CEP290: variants seen among roughly 807,000 people sequenced by gnomAD.
CEP290 encodes centrosomal protein of 290 kDa.
Under a neutral mutation model 344.9 loss-of-function variants are expected in CEP290, and 317 were observed. The observed-to-expected ratio is 0.92, with a 90% CI of 0.84 to 1.01. The LOEUF is 1.01. Among genes scored for constraint, CEP290 ranks in the 50% least tolerant of loss-of-function variants. The pLI, the probability that CEP290 is intolerant of heterozygous loss-of-function variation, is 0.00. For missense variants in CEP290, 2,754 were observed against 2,761.4 expected (o/e 1.00, Z 0.06); for synonymous variants, 932 against 895.8 (o/e 1.04, Z -0.72).
At chr12:88,085,173 G>A (rs1207887515) in intron 34 of CEP290, among the ~76,000 whole-genome samples, 1 of 152,018 alleles carries the variant, frequency 6.6e-6, no homozygotes, top group Non-Finnish European at 1.5e-5. Flanking sequence ...GGAAGAATAT[G>A]TAATAAATTA....
chr12:88,129,159 C>CTTA lies in CEP290; in HGVS notation c.853-127_853-125dup, dbSNP rs71082426. On this transcript the variant is annotated intron_variant, in intron 10 of 53. Coordinates refer to ENST00000552810, the MANE Select transcript of CEP290 (RefSeq NM_025114.4). ...ACATACACACACATACGTATTCATACTTATATACACATACATACGGATACA... is the reference window on the plus strand; with the variant it reads ...ACATACACACACATACGTATTCATACTTATTATATACACATACATACGGATACA... The CTTA allele has an allele frequency of 0.94, 410,483 of 438,294 alleles. 192,778 individuals carry two copies. Among genetic ancestry groups the CTTA allele is most frequent in the East Asian group, 0.99 (26,928 of 27,102 alleles). The allele number at this position is 438,294 out of a possible 1,614,324, so 27.2% of individuals were successfully genotyped here.
chr12:88,129,114 T>A, intron 10 of CEP290, 79 bp from the exon 11 acceptor site: 7 of 659,294 alleles, frequency 1.1e-5, no homozygotes, highest in Admixed American at 4.0e-5. Context: ...TACATATACA[T>A]TATATATATA....
At chr12:88,082,943 A>G (rs1204894791) in intron 37 of CEP290, 88 bp downstream of exon 37, 1 of 731,952 alleles carries the variant, frequency 1.4e-6, no homozygotes, top group Admixed American at 3.3e-5. Context: ...AAGTCTTAGA[A>G]CAGTGCCTGG....
intron 6 of CEP290, among the ~76,000 whole-genome samples, chr12:88,131,790 T>C (rs1592678492): frequency 6.6e-6 from 1 of 152,220 alleles, no homozygotes; most frequent in East Asian, 1.9e-4. Flanking sequence ...CAGAAACAAA[T>C]TAATCTGCTC....
At chr12:88,131,245 T>A in intron 6 of CEP290, 27 bp from the exon 7 acceptor site, 3 of 1,419,596 alleles carry the variant, frequency 2.1e-6, no homozygotes, top group Non-Finnish European at 2.8e-6. Context: ...AAAAAATAAA[T>A]AAGAAGAAGA....
chr12:88,102,774 C>T (rs2037991354), intron 26 of CEP290, 64 bp downstream of exon 26: 32 of 1,419,998 alleles, frequency 2.3e-5, no homozygotes, highest in Non-Finnish European at 3.0e-5. Flanking sequence ...CAAATCCCCC[C>T]AAACACAAAA....
At chr12:88,109,604 T>C (rs1453558677) in intron 22 of CEP290, among the ~76,000 whole-genome samples, 1 of 152,182 alleles carries the variant, frequency 6.6e-6, no homozygotes, top group Non-Finnish European at 1.5e-5. Context: ...TTGGCAATCA[T>C]TTTTACCAAG....
intron 26 of CEP290, among the ~76,000 whole-genome samples, chr12:88,100,776 A>G (rs1476011807): frequency 6.6e-6 from 1 of 152,204 alleles, no homozygotes; most frequent in Non-Finnish European, 1.5e-5. Context: ...GCTTAAGAAA[A>G]AAAAGGTAAT....
rs1360432045 is a variant in CEP290 at position 88,093,771 on chromosome 12, T to G, written c.3308A>C (p.Glu1103Ala). The change falls in exon 28 of 54, where the codon GAG (glutamate) becomes GCG (alanine). Residue 1103 changes from glutamate (E) to alanine (A), a missense_variant and splice_region_variant. Coordinates refer to ENST00000552810, the MANE Select transcript of CEP290 (RefSeq NM_025114.4). ...RNFELETKFA[E>A]LTKINLDAQK... ...ATGATAAAACTTATAATATCAAACC[T>G]CAGCAAATTTGGTTTCCAATTCAAA... 6.3e-7 allele frequency: 1 copy of G among 1,597,740 alleles called. No homozygotes were observed. The highest frequency in any genetic ancestry group is 1.7e-5 in the Admixed American group (1 of 58,524).
rs2033355232 is a variant in CEP290, at chr12:88,050,187, C to T, written c.7209+167G>A. On this transcript the variant is annotated intron_variant, in intron 53 of 53. Transcript: ENST00000552810. ...GTTGAGTCTGAATTTTTTGTTAACT[C>T]TAATATGTTAGGAATAGTCAGATGA... is the stretch of plus-strand genomic sequence containing the variant. The T allele has an allele frequency of 1.2e-5, 6 of 500,498 alleles. No individual in the cohort carries two copies. The South Asian group carries it at 1.9e-4, about 16-fold the overall frequency. 31.0% of individuals were successfully genotyped at this position (500,498 alleles called of 1,614,324 possible). A position where few individuals can be genotyped will look rare whatever the true frequency, so the allele number is the denominator to read the frequency against.
chr12:88,080,062 A>G (rs2137098621), intron 38 of CEP290, 120 bp downstream of exon 38: 1 of 698,472 alleles, frequency 1.4e-6, no homozygotes, highest in East Asian at 2.7e-5. Flanking sequence ...GATAAAGCTC[A>G]TACTTTTTAT....
At chr12:88,085,923 G>A in intron 34 of CEP290, 116 bp downstream of exon 34, 2 of 933,352 alleles carry the variant, frequency 2.1e-6, no homozygotes, top group East Asian at 2.7e-5. Flanking sequence ...GAAAAATAGT[G>A]AAATTAGCAA....
rs943768530 is a variant in CEP290, at chr12:88,116,974, A to C, written c.1824+59T>G. On this transcript the variant is annotated intron_variant, in intron 18 of 53. Transcript: ENST00000552810. ...GGGAGACAGAGCGAGACTCCGTCTCAAAAAAAAAAAAAAAAAAAAATATTT... is the reference window on the plus strand; with the variant it reads ...GGGAGACAGAGCGAGACTCCGTCTCCAAAAAAAAAAAAAAAAAAAATATTT... 2.5e-3 allele frequency: 393 copies of C among 157,174 alleles called. 1 individual carries two copies. The highest frequency in any genetic ancestry group is 6.8e-3 in the Admixed American group (95 of 13,880). The allele number at this position is 157,174 out of a possible 1,614,324, so 9.7% of individuals were successfully genotyped here.
At chr12:88,102,800 G>C in intron 26 of CEP290, 38 bp downstream of exon 26, 1 of 1,553,562 alleles carries the variant, frequency 6.4e-7, no homozygotes, top group Non-Finnish European at 8.7e-7. Flanking sequence ...GAAGAAAAAT[G>C]GCTAATTTCA....
intron 41 of CEP290, among the ~76,000 whole-genome samples, chr12:88,073,411 T>C (rs1209782241): frequency 6.6e-6 from 1 of 152,228 alleles, no homozygotes; most frequent in Admixed American, 6.5e-5. Context: ...CATTATATTT[T>C]CCAATGGAGT....
In CEP290 at chr12:88,086,074, G is replaced by A. The variant is rs1565838540; in HGVS notation, c.4402C>T (p.Leu1468=). 1 of 1,612,544 alleles carries A rather than the reference G, an allele frequency of 6.2e-7. No individual in the cohort carries two copies. The highest frequency in any genetic ancestry group is 8.5e-7 in the Non-Finnish European group (1 of 1,179,250). ...GATTTGCAAGTTGCCCGTGTTTCTA[G>A]AATTATTCGAATGTTCTCCTTAATT... ...RKIKENIRII[L]ETRATCKSLE... The change falls in exon 34 of 54, where the codon CTA becomes TTA. Residue 1468 remains leucine (L), a synonymous_variant. Coordinates refer to ENST00000552810, the MANE Select transcript of CEP290 (RefSeq NM_025114.4).
intron 44 of CEP290, among the ~76,000 whole-genome samples, chr12:88,066,057 G>GA (rs1368886367): frequency 6.6e-6 from 1 of 152,072 alleles, no homozygotes; most frequent in South Asian, 2.1e-4. Flanking sequence ...ATTAGCATGT[G>GA]AAAAAAAGTG....
At chr12:88,106,582 AATTCAGGTGATG>A in intron 25 of CEP290, 81 bp downstream of exon 25, 1 of 735,490 alleles carries the variant, frequency 1.4e-6, no homozygotes, top group Non-Finnish European at 2.1e-6. Flanking sequence ...GTTAACTATT[AATTCAGGTGATG>A]AGCATTATTG....
intron 41 of CEP290, among the ~76,000 whole-genome samples, chr12:88,076,926 G>A (rs2035821259): frequency 6.6e-6 from 1 of 151,910 alleles, no homozygotes; most frequent in South Asian, 2.1e-4. Flanking sequence ...AATATGTTAA[G>A]GTGTGAAGGA....
Sources: allele counts gnomAD v4.1 joint callset (sites outside exome capture counted in the v4.1 genomes callset), GRCh38; gene constraint gnomAD v4.1.1; transcripts MANE v1.5; gene names NCBI Gene and HGNC (gene_info 2026-07-23, HGNC 2026-07-21).